CSMD3: variants seen among roughly 807,000 people sequenced by gnomAD.
CSMD3 encodes CUB and Sushi multiple domains 3.
A neutral mutation model predicts 435.2 loss-of-function variants in CSMD3; 177 were observed. That is an observed-to-expected ratio of 0.41 (90% confidence interval 0.36 to 0.46). The LOEUF is 0.46. CSMD3 is among the 20% of genes least tolerant of loss of function. CSMD3 has a pLI of 0.34. For synonymous variants in CSMD3, 1,656 were observed against 1,520.5 expected (o/e 1.09, Z -2.07); for missense variants, 4,265 against 4,504.6 (o/e 0.95, Z 1.52).
At chr8:113,300,582 C>A (rs181803335) in intron 2 of CSMD3, among the ~76,000 whole-genome samples, 1 of 152,136 alleles carries the variant, frequency 6.6e-6, no homozygotes, top group Admixed American at 6.6e-5. Context: ...CAAATTAATG[C>A]AAGAACAGAA....
intron 19 of CSMD3, 49 bp from the exon 20 acceptor site, chr8:112,645,274 A>G (rs751305916): frequency 1.0e-6 from 1 of 997,908 alleles, no homozygotes; most frequent in Non-Finnish European, 1.6e-6. Context: ...AGAGAGACAG[A>G]GGGTGAACAA....
At chr8:112,836,315 C>T (rs1434825124) in intron 11 of CSMD3, among the ~76,000 whole-genome samples, 1 of 151,822 alleles carries the variant, frequency 6.6e-6, no homozygotes, top group Admixed American at 6.6e-5. Flanking sequence ...GCTTACCCAA[C>T]AGCCACCTTC....
At chr8:113,311,802 C>A (rs2093871463) in intron 2 of CSMD3, 1 of 151,978 alleles carries the variant, frequency 6.6e-6, no homozygotes, top group African/African-American at 2.4e-5. Context: ...GCACAAAAAC[C>A]AATAAATGTG....
intron 13 of CSMD3, among the ~76,000 whole-genome samples, chr8:112,731,800 A>G (rs1249186007): frequency 1.3e-5 from 2 of 152,138 alleles, no homozygotes; most frequent in African/African-American, 4.8e-5. Flanking sequence ...GAATTCAATT[A>G]TCAGGATTAA....
At chr8:113,023,292 C>T (rs1166093501) in intron 5 of CSMD3, among the ~76,000 whole-genome samples, 1 of 151,984 alleles carries the variant, frequency 6.6e-6, no homozygotes, top group Non-Finnish European at 1.5e-5. Flanking sequence ...CTATATTATC[C>T]ATAGGTGGAG....
chr8:112,542,345 G>GAAAAAAAAAAAAAAAAAAAAAAAAAAAA (rs200297769), intron 27 of CSMD3, among the ~76,000 whole-genome samples: 1 of 83,432 alleles, frequency 1.2e-5, no homozygotes, highest in African/African-American at 4.4e-5. Context: ...CCTCCAAAAT[G>GAAAAAAAAAAAAAAAAAAAAAAAAAAAA]AAAAAAAAAA....
At chr8:113,414,017 A>G (rs956693358) in intron 1 of CSMD3, among the ~76,000 whole-genome samples, 1 of 152,182 alleles carries the variant, frequency 6.6e-6, no homozygotes, top group African/African-American at 2.4e-5. Flanking sequence ...GAAATAGGAG[A>G]CAGTAACAAA....
chr8:112,851,424 C>T (rs191355243), intron 11 of CSMD3, among the ~76,000 whole-genome samples: 3 of 151,922 alleles, frequency 2.0e-5, no homozygotes, highest in African/African-American at 7.3e-5. Context: ...AATGTAAAAC[C>T]CATGAGAGAG....
chr8:113,302,327 A>G (rs1467613824), intron 2 of CSMD3, among the ~76,000 whole-genome samples: 2 of 142,080 alleles, frequency 1.4e-5, no homozygotes, highest in Non-Finnish European at 3.0e-5. Context: ...ATAATAATAT[A>G]ATATAATAAT....
At chr8:113,365,314 A>T (rs1459682544) in intron 1 of CSMD3, among the ~76,000 whole-genome samples, 1 of 152,120 alleles carries the variant, frequency 6.6e-6, no homozygotes, top group Non-Finnish European at 1.5e-5. Flanking sequence ...GTTACCTTAA[A>T]CATAACTCAT....
At chr8:113,287,410 C>A (rs1407231223) in intron 2 of CSMD3, among the ~76,000 whole-genome samples, 2 of 152,000 alleles carry the variant, frequency 1.3e-5, no homozygotes, top group African/African-American at 4.8e-5. Context: ...ATAAATCATG[C>A]ATATCCTATT....
At chr8:112,454,088 A>T (rs909644396) in intron 32 of CSMD3, among the ~76,000 whole-genome samples, 1 of 152,234 alleles carries the variant, frequency 6.6e-6, no homozygotes, top group Admixed American at 6.5e-5. Context: ...GACCATATAT[A>T]AGAATTCACT....
At chr8:113,395,112 T>A (rs1041477275) in intron 1 of CSMD3, among the ~76,000 whole-genome samples, 23 of 152,284 alleles carry the variant, frequency 1.5e-4, no homozygotes, top group African/African-American at 4.6e-4. Context: ...CATTATGGCT[T>A]ATGCAAATAA....
intron 4 of CSMD3, among the ~76,000 whole-genome samples, chr8:113,105,189 G>A (rs1195558928): frequency 6.6e-6 from 1 of 151,942 alleles, no homozygotes; most frequent in Non-Finnish European, 1.5e-5. Context: ...AATTAAAACT[G>A]AGAAAAATAT....
intron 3 of CSMD3, among the ~76,000 whole-genome samples, chr8:113,214,358 G>T (rs2132094400): frequency 6.6e-6 from 1 of 151,974 alleles, no homozygotes; most frequent in East Asian, 1.9e-4. Flanking sequence ...ATAGGTTATT[G>T]GGTTCATTCA....
chr8:113,342,136 G>A (rs996726297), intron 1 of CSMD3, among the ~76,000 whole-genome samples: 2 of 151,492 alleles, frequency 1.3e-5, no homozygotes, highest in South Asian at 2.1e-4. Flanking sequence ...GAAAGAACAC[G>A]TGGACCAAAT....
At chr8:113,436,655 G>C (rs781243931) in intron 1 of CSMD3, 22 bp downstream of exon 1, 2 of 1,613,210 alleles carry the variant, frequency 1.2e-6, no homozygotes, top group South Asian at 1.1e-5. Flanking sequence ...CAAAGCGGAG[G>C]GGACCCCCAA....
chr8:113,026,578 C>T (rs2131212650), intron 5 of CSMD3, among the ~76,000 whole-genome samples: 1 of 152,140 alleles, frequency 6.6e-6, no homozygotes, highest in East Asian at 1.9e-4. Context: ...CTGTTATATC[C>T]CTGATACTTA....
chr8:113,165,195 T>A (rs2092126315), intron 4 of CSMD3, among the ~76,000 whole-genome samples: 1 of 152,180 alleles, frequency 6.6e-6, no homozygotes, highest in Admixed American at 6.5e-5. Flanking sequence ...CATGGGCCTA[T>A]ATAATCATAT....
Sources: gnomAD v4.1 joint callset for allele counts (sites outside exome capture counted in the v4.1 genomes callset) on GRCh38, gnomAD v4.1.1 for gene constraint, MANE v1.5 for transcripts, NCBI Gene and HGNC (gene_info 2026-07-23, HGNC 2026-07-21) for gene names.